UGT1A5: variants seen among roughly 807,000 people sequenced by gnomAD.
The protein encoded by UGT1A5 is UDP glucuronosyltransferase family 1 member A5.
A neutral mutation model predicts 40.3 loss-of-function variants in UGT1A5; 29 were observed. The observed-to-expected ratio is 0.72, with a 90% CI of 0.54 to 0.98. The LOEUF is 0.98. Among genes scored for constraint, UGT1A5 ranks in the 50% least tolerant of loss-of-function variants. The pLI is 0.00. For missense variants in UGT1A5, 678 were observed against 677.9 expected, an observed-to-expected ratio of 1.00 and a Z score of 0.00; for synonymous variants, 257 against 262.5, an observed-to-expected ratio of 0.98 and a Z score of 0.20.
At chr2:233,763,963 A>G (rs1698440106) in intron 1 of UGT1A5, among the ~76,000 whole-genome samples, 1 of 152,196 alleles carries the variant, frequency 6.6e-6, no homozygotes, top group Non-Finnish European at 1.5e-5. Flanking sequence ...GAAGGTTGAG[A>G]TATATGTGGG....
intron 1 of UGT1A5, among the ~76,000 whole-genome samples, chr2:233,766,364 G>C (rs1381103193): frequency 6.6e-6 from 1 of 152,144 alleles, no homozygotes; most frequent in Non-Finnish European, 1.5e-5. Flanking sequence ...GTGCCTGTTG[G>C]TGAGTTCTTC....
At chr2:233,770,673 AAAG>A (rs1468674033) in intron 4 of UGT1A5, 2 of 152,078 alleles carry the variant, frequency 1.3e-5, no homozygotes, top group Admixed American at 6.6e-5. Context: ...AAAAAAAAAA[AAAG>A]AAGGTTCCAA....
intron 1 of UGT1A5, among the ~76,000 whole-genome samples, chr2:233,766,756 G>A (rs1351928821): frequency 2.0e-5 from 3 of 152,168 alleles, no homozygotes; most frequent in Non-Finnish European, 4.4e-5. Flanking sequence ...GTGCATGTGT[G>A]TGCATGTACC....
intron 1 of UGT1A5, chr2:233,761,263 A>G (rs953290784): frequency 6.9e-6 from 11 of 1,601,374 alleles, no homozygotes; most frequent in Non-Finnish European, 9.4e-6. Flanking sequence ...ATAATTTAAA[A>G]TGCCCTCTTT....
chr2:233,763,335 T>C (rs1344403817), intron 1 of UGT1A5, among the ~76,000 whole-genome samples: 2 of 152,244 alleles, frequency 1.3e-5, no homozygotes, highest in Non-Finnish European at 2.9e-5. Context: ...TTTGTTTACA[T>C]TTCCCTAGCA....
chr2:233,730,635 A>G (rs2078055173), intron 1 of UGT1A5, among the ~76,000 whole-genome samples: 1 of 152,172 alleles, frequency 6.6e-6, no homozygotes, highest in Admixed American at 6.5e-5. Context: ...GGTCTGGTGC[A>G]TGATGTGGGG....
chr2:233,725,696 T>A (rs1461246019), intron 1 of UGT1A5, among the ~76,000 whole-genome samples: 1 of 152,258 alleles, frequency 6.6e-6, no homozygotes, highest in African/African-American at 2.4e-5. Context: ...AATAGTCATA[T>A]GTAGTTAGTG....
In UGT1A5 at chr2:233,769,469, G is replaced by A. The variant is rs1360382156; in HGVS notation, c.1307+1030G>A. 6.2e-7 allele frequency: 1 copy of A among 1,610,132 alleles called. No homozygotes were observed. Among genetic ancestry groups the A allele is most frequent in the Non-Finnish European group, 8.5e-7 (1 of 1,177,710 alleles). On this transcript the variant is annotated intron_variant, in intron 4 of 4. Coordinates refer to ENST00000373414, the MANE Select transcript of UGT1A5 (RefSeq NM_019078.2). The surrounding 1 kb of genome is among the most constrained non-coding windows in gnomAD (Gnocchi z 4.4). Reference sequence around the variant, plus strand: ...CACACGTGTGCATTCATATGCGTGTGTGTGTGTGTGCGTGTGTTTATGAGA... The same window carrying A: ...CACACGTGTGCATTCATATGCGTGTATGTGTGTGTGCGTGTGTTTATGAGA...
At chr2:233,724,213 C>T (rs2077189704) in intron 1 of UGT1A5, among the ~76,000 whole-genome samples, 2 of 128,964 alleles carry the variant, frequency 1.6e-5, no homozygotes, top group African/African-American at 3.1e-5. Context: ...CTGAGGGGCT[C>T]CTCACTTCCC....
chr2:233,729,669 C>A (rs1433524187), intron 1 of UGT1A5: 1 of 1,613,792 alleles, frequency 6.2e-7, no homozygotes, highest in African/African-American at 1.3e-5. Context: ...GTGATTTAGA[C>A]TTTAAGGGCA....
At chr2:233,749,503 T>C (rs1362784067) in intron 1 of UGT1A5, among the ~76,000 whole-genome samples, 2 of 151,872 alleles carry the variant, frequency 1.3e-5, no homozygotes, top group African/African-American at 2.4e-5. Flanking sequence ...CTTAGAGAAT[T>C]AGAGAACACT....
rs376650980 is a variant in UGT1A5, at chr2:233,751,304, T to C, written c.868-15730T>C. ...TTCTCCCATTTGGAATGGGAATATTTACCCAATTTCTGTACCCCCATTGTG... is the reference window on the plus strand; with the variant it reads ...TTCTCCCATTTGGAATGGGAATATTCACCCAATTTCTGTACCCCCATTGTG... On this transcript the variant is annotated intron_variant, in intron 1 of 4. Transcript: ENST00000373414. Among the ~76,000 whole-genome samples, 29 of 152,116 alleles carry C rather than the reference T, an allele frequency of 1.9e-4. No individual in the cohort carries two copies. The South Asian group carries it at 2.7e-3, about 14-fold the overall frequency.
chr2:233,753,155 C>G (rs1695142736), intron 1 of UGT1A5: 2 of 152,204 alleles, frequency 1.3e-5, no homozygotes, highest in South Asian at 4.1e-4. Context: ...TGTAAGTTCC[C>G]TTATCCGGAT....
At chr2:233,767,759 AG>A in intron 2 of UGT1A5, 89 bp from the exon 3 acceptor site, 5 of 1,604,854 alleles carry the variant, frequency 3.1e-6, no homozygotes, top group Non-Finnish European at 4.3e-6. Flanking sequence ...GTTCCTTCAG[AG>A]GACCCCTGTT....
intron 1 of UGT1A5, chr2:233,753,763 T>C (rs1695302197): frequency 1.3e-5 from 2 of 152,344 alleles, no homozygotes; most frequent in South Asian, 4.1e-4. Context: ...TGCGTGGCCC[T>C]TTGGAAACGC....
intron 1 of UGT1A5, among the ~76,000 whole-genome samples, chr2:233,744,276 T>C (rs1409934425): frequency 2.0e-5 from 3 of 151,780 alleles, no homozygotes; most frequent in South Asian, 2.1e-4. Context: ...AAGTAGGCTT[T>C]ATATCAGTCT....
At chr2:233,746,498 T>C (rs4663968) in intron 1 of UGT1A5, among the ~76,000 whole-genome samples, 12,171 of 151,768 alleles carry the variant, frequency 0.08, 741 homozygotes, top group East Asian at 0.2. Flanking sequence ...TGTCACTCTT[T>C]AGTAGCCCCC....
intron 1 of UGT1A5, among the ~76,000 whole-genome samples, chr2:233,765,655 G>A (rs1698901056): frequency 6.6e-6 from 1 of 151,526 alleles, no homozygotes; most frequent in African/African-American, 2.4e-5. Context: ...AATAGGTGCA[G>A]CAAACCACCA....
intron 1 of UGT1A5, among the ~76,000 whole-genome samples, chr2:233,746,573 G>A (rs1403247476): frequency 6.6e-6 from 1 of 151,756 alleles, no homozygotes; most frequent in Admixed American, 6.5e-5. Flanking sequence ...ACCACACCCT[G>A]TAATTGCCTA....
Sources: gnomAD v4.1 joint callset for allele counts (sites outside exome capture counted in the v4.1 genomes callset) on GRCh38, gnomAD v4.1.1 for gene constraint, Gnocchi (gnomAD v3.1) non-coding constraint, MANE v1.5 for transcripts, NCBI Gene and HGNC (gene_info 2026-07-23, HGNC 2026-07-21) for gene names.